The following ARMC3 variants were observed in gnomAD, a reference collection of about 807,000 sequenced individuals.
ARMC3 encodes the protein armadillo repeat containing 3.
In ARMC3, 74 loss-of-function variants were observed where a neutral mutation model predicts 90.3. That is an observed-to-expected ratio of 0.82 (90% CI 0.68 to 0.99). ARMC3 has a LOEUF of 0.99. ARMC3 is among the 50% of genes least tolerant of loss of function. The pLI, the probability that ARMC3 is intolerant of heterozygous loss-of-function variation, is 0.00. For missense variants in ARMC3, 958 were observed against 1,042.8 expected (o/e 0.92, Z 1.12); for synonymous variants, 334 against 361.8 (o/e 0.92, Z 0.87).
intron 2 of ARMC3, among the ~76,000 whole-genome samples, chr10:22,938,565 C>T (rs547886615): frequency 6.6e-6 from 1 of 152,056 alleles, no homozygotes; most frequent in African/African-American, 2.4e-5. Context: ...AGGAAGTCAC[C>T]GTGAAGAAGA....
At chr10:23,005,710 A>G (rs1588907551) in intron 13 of ARMC3, among the ~76,000 whole-genome samples, 1 of 152,126 alleles carries the variant, frequency 6.6e-6, no homozygotes, top group Non-Finnish European at 1.5e-5. Context: ...CTAAAAATAC[A>G]AGAATTAGCT....
At chr10:22,984,577 CA>C (rs1180336073) in intron 10 of ARMC3, among the ~76,000 whole-genome samples, 4 of 151,654 alleles carry the variant, frequency 2.6e-5, no homozygotes, top group Admixed American at 6.6e-5. Flanking sequence ...TTTCTCATAA[CA>C]AAAAAACACA....
chr10:22,949,750 A>G (rs1834671127), intron 3 of ARMC3, among the ~76,000 whole-genome samples: 1 of 152,174 alleles, frequency 6.6e-6, no homozygotes, highest in Admixed American at 6.5e-5. Context: ...CATGGATCCA[A>G]AAAAGTTTGT....
At chr10:22,974,636 T>TTTTTG (rs1554778079) in intron 8 of ARMC3, among the ~76,000 whole-genome samples, 3 of 151,870 alleles carry the variant, frequency 2.0e-5, no homozygotes, top group African/African-American at 4.8e-5. Context: ...ATCTGTTTTT[T>TTTTTG]TTTGTTTGTT....
At chr10:22,942,728 C>G (rs1413373610) in intron 2 of ARMC3, among the ~76,000 whole-genome samples, 4 of 152,122 alleles carry the variant, frequency 2.6e-5, no homozygotes, top group Non-Finnish European at 5.9e-5. Context: ...TCATCAATGC[C>G]ATTCCTAGAT....
intron 10 of ARMC3, among the ~76,000 whole-genome samples, chr10:22,996,860 A>G (rs553025161): frequency 1.3e-5 from 2 of 152,076 alleles, no homozygotes; most frequent in Admixed American, 6.5e-5. Flanking sequence ...TTGAAGTGAC[A>G]GTACCAAATT....
At chr10:23,009,161 G>C (rs1837798142) in intron 16 of ARMC3, among the ~76,000 whole-genome samples, 1 of 152,236 alleles carries the variant, frequency 6.6e-6, no homozygotes, top group African/African-American at 2.4e-5. Context: ...ATCACTTGTA[G>C]GAACAACAGG....
intron 16 of ARMC3, among the ~76,000 whole-genome samples, chr10:23,027,529 G>T (rs551948010): frequency 2.8e-4 from 43 of 152,080 alleles, no homozygotes; most frequent in East Asian, 1.9e-3. Flanking sequence ...TAGTTTTTTT[G>T]GAGAATTCCT....
At chr10:23,015,217 AAC>A (rs1838222450) in intron 16 of ARMC3, among the ~76,000 whole-genome samples, 1 of 152,140 alleles carries the variant, frequency 6.6e-6, no homozygotes, top group Non-Finnish European at 1.5e-5. Flanking sequence ...GTAAATTTGA[AAC>A]TCTGTCTCCT....
At chr10:23,032,379 A>G (rs977309095) in intron 17 of ARMC3, among the ~76,000 whole-genome samples, 2 of 152,180 alleles carry the variant, frequency 1.3e-5, no homozygotes, top group Non-Finnish European at 2.9e-5. Context: ...AAAAAATAAA[A>G]ATATAAAACT....
At chr10:22,971,315 T>C (rs1388574926) in intron 8 of ARMC3, among the ~76,000 whole-genome samples, 2 of 152,204 alleles carry the variant, frequency 1.3e-5, no homozygotes, top group African/African-American at 4.8e-5. Flanking sequence ...ATCTGCCTTT[T>C]GGTTAATGTG....
At position 22,965,950 on chromosome 10, in the gene ARMC3, A is replaced by G. The variant is rs567148905; in HGVS notation, c.733-2356A>G. Among the ~76,000 whole-genome samples the G allele has an allele frequency of 4.6e-5, 7 of 152,268 alleles. 1 individual carries two copies. The highest frequency in any genetic ancestry group is 1.4e-4 in the African/African-American group (6 of 41,534). ...TAATTCACCAACACCTGTCCCTAAC[A>G]GAGTAGATTTCTATTGACTGACTTT... On this transcript the variant is annotated intron_variant, in intron 7 of 18. Coordinates refer to ENST00000298032, the MANE Select transcript of ARMC3 (RefSeq NM_173081.5).
At chr10:22,946,415 A>C (rs1834528181) in intron 3 of ARMC3, 154 bp downstream of exon 3, 1 of 506,732 alleles carries the variant, frequency 2.0e-6, no homozygotes, top group African/African-American at 2.0e-5. Context: ...ACCTAAGAGC[A>C]ATCTCTCTTC....
chr10:22,966,850 G>T (rs1835460525), intron 7 of ARMC3, among the ~76,000 whole-genome samples: 1 of 152,146 alleles, frequency 6.6e-6, no homozygotes, highest in African/African-American at 2.4e-5. Context: ...ACAGCACGGG[G>T]GAACTGCCCC....
rs560628880 is a variant in ARMC3 at position 22,956,142 on chromosome 10, C to CA, written c.292+215dup. ...GAAAACATGTGCAAGCACATCCATG[C>CA]AAAAACTCCTCTCAGAATTGGTGAT... On this transcript the variant is annotated intron_variant, in intron 4 of 18. Coordinates refer to ENST00000298032, the MANE Select transcript of ARMC3 (RefSeq NM_173081.5). Among the ~76,000 whole-genome samples the CA allele has an allele frequency of 7.2e-5, 11 of 152,248 alleles. No individual in the cohort carries two copies. The East Asian group carries it at 2.1e-3, about 29-fold the overall frequency.
intron 1 of ARMC3, among the ~76,000 whole-genome samples, chr10:22,929,083 G>A (rs551006757): frequency 2.6e-5 from 4 of 152,016 alleles, no homozygotes; most frequent in South Asian, 2.1e-4. Context: ...AAAATTAGCC[G>A]AGCGTGGTGG....
chr10:23,008,109 A>G (rs1837715948), intron 14 of ARMC3, among the ~76,000 whole-genome samples, 167 bp from the exon 15 acceptor site: 1 of 152,224 alleles, frequency 6.6e-6, no homozygotes. Flanking sequence ...GTCTCAAAAA[A>G]CAAACAAAGA....
At chr10:22,984,764 T>C (rs1318578112) in intron 10 of ARMC3, among the ~76,000 whole-genome samples, 1 of 152,196 alleles carries the variant, frequency 6.6e-6, no homozygotes, top group Non-Finnish European at 1.5e-5. Context: ...TGAGGTTTCT[T>C]AGATACTCAA....
At chr10:22,989,885 T>A (rs1384898373) in intron 10 of ARMC3, among the ~76,000 whole-genome samples, 4 of 152,256 alleles carry the variant, frequency 2.6e-5, no homozygotes, top group Non-Finnish European at 5.9e-5. Flanking sequence ...AATGAAAAGC[T>A]GAATTTTGCA....
Sources: allele counts gnomAD v4.1 joint callset (sites outside exome capture counted in the v4.1 genomes callset), GRCh38; gene constraint gnomAD v4.1.1; transcripts MANE v1.5; gene names NCBI Gene and HGNC (gene_info 2026-07-23, HGNC 2026-07-21).